BOLL: variants seen among roughly 807,000 people sequenced by gnomAD.
BOLL encodes protein boule-like.
In BOLL, 23 loss-of-function variants were observed where a neutral mutation model predicts 44.4. That is an observed-to-expected ratio of 0.52 (90% CI 0.37 to 0.73). The LOEUF is 0.73. Among genes scored for constraint, BOLL ranks in the 30% least tolerant of loss-of-function variants. BOLL has a pLI of 0.00. For synonymous variants in BOLL, 97 were observed against 110.8 expected (o/e 0.88, Z 0.78); for missense variants, 287 against 338.3 (o/e 0.85, Z 1.19).
chr2:197,766,138 A>G (rs989704386), intron 7 of BOLL, among the ~76,000 whole-genome samples: 2 of 152,140 alleles, frequency 1.3e-5, no homozygotes, highest in Admixed American at 1.3e-4. Context: ...TAGTGCTGCA[A>G]TGAACATTCG....
At chr2:197,781,958 A>G in intron 1 of BOLL, 93 bp from the exon 2 acceptor site, 1 of 1,197,404 alleles carries the variant, frequency 8.4e-7, no homozygotes, top group African/African-American at 1.5e-5. Flanking sequence ...CAAAAAGAAG[A>G]GTCATTTAGG....
In BOLL at chr2:197,743,050, A is replaced by C. The variant is rs1276285680; in HGVS notation, c.828+11T>G. The C allele has an allele frequency of 1.3e-6, 2 of 1,547,486 alleles. No homozygotes were observed. The highest frequency in any genetic ancestry group is 2.8e-5 in the African/African-American group (2 of 72,354). Reference sequence around the variant, plus strand: ...GAAAAACAAAGTAAAAAGTCAAAACAAATTTCTTACTTTAATTGGCTCAGG... The same window carrying C: ...GAAAAACAAAGTAAAAAGTCAAAACCAATTTCTTACTTTAATTGGCTCAGG... On this transcript the variant is annotated intron_variant, in intron 10 of 10. Coordinates refer to ENST00000392296, the MANE Select transcript of BOLL (RefSeq NM_033030.6).
In BOLL at chr2:197,730,888, G is replaced by T. The variant is rs982302692; in HGVS notation, c.829-2310C>A. Among the ~76,000 whole-genome samples, 13 of 151,874 alleles carry T rather than the reference G, an allele frequency of 8.6e-5. 3 individuals are homozygous for T. Among genetic ancestry groups the T allele is most frequent in the African/African-American group, 3.1e-4 (13 of 41,432 alleles). On this transcript the variant is annotated intron_variant, in intron 10 of 10. Transcript: ENST00000392296. ...CAAAATGTAAAGACCATCGAGACTA[G>T]GAAGAAACTGCATCAACTAATGAGA...
intron 5 of BOLL, 96 bp from the exon 6 acceptor site, chr2:197,772,078 A>G: frequency 9.9e-7 from 1 of 1,008,518 alleles, no homozygotes; most frequent in Non-Finnish European, 1.3e-6. Context: ...ATCTTAATAT[A>G]CCTATGTAGC....
intron 10 of BOLL, among the ~76,000 whole-genome samples, chr2:197,737,573 CTAGA>C (rs1349978273): frequency 5.3e-5 from 8 of 152,094 alleles, no homozygotes; most frequent in African/African-American, 1.9e-4. Context: ...CCTCTGTCCT[CTAGA>C]TTACATTGCT....
Position 197,754,750 on chromosome 2 carries a change from A to AACACACACACAC in BOLL, c.729+1666_729+1677dup, listed in dbSNP as rs142614771. On this transcript the variant is annotated intron_variant, in intron 9 of 10. Coordinates refer to ENST00000392296, the MANE Select transcript of BOLL (RefSeq NM_033030.6). Reference sequence around the variant, plus strand: ...CAAAAAACAAACAAAAAAACCCCAAAACACACACACACACACACACACACA... The same window carrying AACACACACACAC: ...CAAAAAACAAACAAAAAAACCCCAAAACACACACACACACACACACACACACACACACACACA... Among the ~76,000 whole-genome samples, 89 of 150,086 alleles carry AACACACACACAC rather than the reference A, an allele frequency of 5.9e-4. 1 individual carries two copies. The highest frequency in any genetic ancestry group is 2.1e-3 in the African/African-American group (85 of 41,154).
chr2:197,761,732 A>G (rs1158229452), intron 7 of BOLL, among the ~76,000 whole-genome samples: 1 of 152,220 alleles, frequency 6.6e-6, no homozygotes, highest in African/African-American at 2.4e-5. Flanking sequence ...AAAGACACAC[A>G]TAGGCTGAAA....
At chr2:197,731,889 C>A (rs1081434) in intron 10 of BOLL, among the ~76,000 whole-genome samples, 107,027 of 148,664 alleles carry the variant, frequency 0.72, 39,660 homozygotes, top group African/African-American at 0.9. Flanking sequence ...ACACCCTAAC[C>A]TCACAATTAA....
chr2:197,744,019 C>A (rs1687880372), intron 9 of BOLL, among the ~76,000 whole-genome samples: 1 of 152,176 alleles, frequency 6.6e-6, no homozygotes, highest in Non-Finnish European at 1.5e-5. Context: ...CCGTGTTAGC[C>A]AGGATGGTCT....
At chr2:197,768,845 A>G (rs1397400038) in intron 6 of BOLL, among the ~76,000 whole-genome samples, 1 of 149,582 alleles carries the variant, frequency 6.7e-6, no homozygotes, top group African/African-American at 2.5e-5. Context: ...ATCAATACCT[A>G]GTTTATTGAG....
chr2:197,781,642 T>G (rs1487030738), intron 2 of BOLL, 80 bp downstream of exon 2: 1 of 1,261,874 alleles, frequency 7.9e-7, no homozygotes, highest in Non-Finnish European at 1.1e-6. Context: ...TGTTATTTTA[T>G]AGTTGCACAA....
chr2:197,782,939 TAATA>T (rs1689857606), intron 1 of BOLL, among the ~76,000 whole-genome samples: 1 of 152,082 alleles, frequency 6.6e-6, no homozygotes, highest in South Asian at 2.1e-4. Context: ...ATTTAAATTT[TAATA>T]AATATATATA....
chr2:197,730,415 C>CA (rs1687105064), intron 10 of BOLL, among the ~76,000 whole-genome samples: 1 of 125,968 alleles, frequency 7.9e-6, no homozygotes, highest in African/African-American at 3.2e-5. Flanking sequence ...GAGAACTTCC[C>CA]CAATCTAGCA....
At chr2:197,730,978 G>A (rs368552163) in intron 10 of BOLL, among the ~76,000 whole-genome samples, 1 of 151,698 alleles carries the variant, frequency 6.6e-6, no homozygotes, top group Non-Finnish European at 1.5e-5. Context: ...AACTTTAAAT[G>A]TAAATGGACT....
chr2:197,765,905 C>G (rs1250538625), intron 7 of BOLL, among the ~76,000 whole-genome samples: 2 of 152,002 alleles, frequency 1.3e-5, no homozygotes, highest in Admixed American at 1.3e-4. Flanking sequence ...TTCATGAGTT[C>G]TCATCATTTA....
intron 5 of BOLL, among the ~76,000 whole-genome samples, chr2:197,775,032 A>C (rs1450246178): frequency 1.3e-5 from 2 of 151,942 alleles, no homozygotes; most frequent in Non-Finnish European, 2.9e-5. Flanking sequence ...TTCTCCTTCT[A>C]GCCAAAGACT....
intron 10 of BOLL, among the ~76,000 whole-genome samples, chr2:197,730,616 C>T (rs1306093212): frequency 8.1e-5 from 12 of 148,840 alleles, no homozygotes; most frequent in African/African-American, 2.0e-4. Context: ...GCGGATCTCT[C>T]GGCAGAAACC....
intron 7 of BOLL, among the ~76,000 whole-genome samples, chr2:197,761,342 G>T (rs188669142): frequency 8.5e-4 from 130 of 152,202 alleles, no homozygotes; most frequent in African/African-American, 3.0e-3. Context: ...ATCACCACTA[G>T]ATTGGCCTTA....
chr2:197,781,996 T>C (rs999659658), intron 1 of BOLL, 131 bp from the exon 2 acceptor site: 3 of 653,702 alleles, frequency 4.6e-6, no homozygotes, highest in African/African-American at 1.9e-5. Flanking sequence ...GGCTTTACTT[T>C]TAATATTATA....
Sources: allele counts gnomAD v4.1 joint callset (sites outside exome capture counted in the v4.1 genomes callset), GRCh38; gene constraint gnomAD v4.1.1; transcripts MANE v1.5; gene names NCBI Gene and HGNC (gene_info 2026-07-23, HGNC 2026-07-21).